RIMBP2: variants seen among roughly 807,000 people sequenced by gnomAD.
RIMBP2 encodes RIMS-binding protein 2.
Under a neutral mutation model 118.6 loss-of-function variants are expected in RIMBP2, and 48 were observed. The ratio of observed to expected loss-of-function variants is 0.40; its 90% confidence interval spans 0.32 to 0.51. The LOEUF is 0.51. Ranked by LOEUF, RIMBP2 falls within the 20% of genes least tolerant of loss-of-function variation. The pLI is 0.41. For missense variants in RIMBP2, 1,551 were observed against 1,768.3 expected, an observed-to-expected ratio of 0.88 and a Z score of 2.20; for synonymous variants, 762 against 742.9, an observed-to-expected ratio of 1.03 and a Z score of -0.42.
At chr12:130,471,284 T>G (rs1029949739) in intron 5 of RIMBP2, among the ~76,000 whole-genome samples, 8 of 152,222 alleles carry the variant, frequency 5.3e-5, no homozygotes, top group African/African-American at 1.9e-4. Flanking sequence ...CAGAAATGTC[T>G]CGGGATGGCT....
At chr12:130,407,107 A>G (rs1328464637) in intron 20 of RIMBP2, among the ~76,000 whole-genome samples, 1 of 152,186 alleles carries the variant, frequency 6.6e-6, no homozygotes, top group East Asian at 1.9e-4. Context: ...TTCACAACCA[A>G]ACACATTTTC....
In RIMBP2 at chr12:130,420,926, C is replaced by T. The variant is rs1461433545; in HGVS notation, c.3238+1527G>A. ...GGACGTCCTTTCTGAGCGCCTACAG[C>T]ATTAACTTCTCAGCGGCTACACCAT... On this transcript the variant is annotated intron_variant, in intron 17 of 22. Coordinates refer to ENST00000690449, the MANE Select transcript of RIMBP2 (RefSeq NM_001393629.1). The surrounding 1 kb of genome is among the most constrained non-coding windows in gnomAD (Gnocchi z 4.3). The T allele has an allele frequency of 1.3e-5, 2 of 152,200 alleles. No individual in the cohort carries two copies. Among genetic ancestry groups the T allele is most frequent in the African/African-American group, 2.4e-5 (1 of 41,446 alleles). 9.4% of individuals were successfully genotyped at this position (152,200 alleles called of 1,614,324 possible).
chr12:130,480,552 A>T (rs2081899482), intron 4 of RIMBP2, among the ~76,000 whole-genome samples: 1 of 152,060 alleles, frequency 6.6e-6, no homozygotes, highest in Non-Finnish European at 1.5e-5. Context: ...ATTTTTTATT[A>T]TTTTATTATT....
At chr12:130,685,558 C>A (rs7955015) in intron 1 of RIMBP2, among the ~76,000 whole-genome samples, 11,871 of 152,128 alleles carry the variant, frequency 0.078, 1,553 homozygotes, top group African/African-American at 0.27. Context: ...AGTGGCCCGG[C>A]AGCCACTGAA....
intron 1 of RIMBP2, among the ~76,000 whole-genome samples, chr12:130,640,533 TGA>T (rs2062569983): frequency 6.6e-6 from 1 of 152,230 alleles, no homozygotes; most frequent in Admixed American, 6.5e-5. Flanking sequence ...GCCAACATTT[TGA>T]GAGCTTCCTC....
At chr12:130,693,203 A>G (rs1240497745) in intron 1 of RIMBP2, among the ~76,000 whole-genome samples, 8 of 151,748 alleles carry the variant, frequency 5.3e-5, no homozygotes, top group African/African-American at 1.7e-4. Flanking sequence ...CTGTGATATG[A>G]CTCCGTGCTC....
rs1422551524 is a variant in RIMBP2, at chr12:130,424,681, C to T, written c.2590G>A (p.Ala864Thr). ...GGCCTGCCGGGCCTGGGCTCTCTGGCCAGCCCCGTCCTGGCCCTGGGGGAC... is the reference window on the plus strand; with the variant it reads ...GGCCTGCCGGGCCTGGGCTCTCTGGTCAGCCCCGTCCTGGCCCTGGGGGAC... The part of the protein sequence containing the change: ...GPSPRARTGL[A>T]REPRPGRPYR... The change falls in exon 16 of 23, where the codon GCC (alanine) becomes ACC (threonine). Residue 864 changes from alanine (A) to threonine (T), a missense_variant. Transcript: ENST00000690449. The surrounding 1 kb of genome is among the most constrained non-coding windows in gnomAD (Gnocchi z 9.8). 4.1e-6 allele frequency: 5 copies of T among 1,231,960 alleles called. No individual in the cohort carries two copies. The highest frequency in any genetic ancestry group is 6.2e-4 in the Middle Eastern group (2 of 3,230). The allele number at this position is 1,231,960 out of a possible 1,614,324, so 76.3% of individuals were successfully genotyped here. A position where few individuals can be genotyped will look rare whatever the true frequency, so the allele number is the denominator to read the frequency against.
At chr12:130,438,335 ACCCTCCCC>A in intron 12 of RIMBP2, 22 bp downstream of exon 12, 1 of 865,012 alleles carries the variant, frequency 1.2e-6, no homozygotes, top group Non-Finnish European at 1.9e-6. Flanking sequence ...GGCCTAACAA[ACCCTCCCC>A]ACCCACCCAA....
chr12:130,478,664 G>A (rs780163556), intron 5 of RIMBP2, among the ~76,000 whole-genome samples: 8 of 152,152 alleles, frequency 5.3e-5, no homozygotes, highest in African/African-American at 1.4e-4. Context: ...TGTTTTTCCC[G>A]ACAACCTCAC....
chr12:130,445,341 G>A (rs1330269667), intron 9 of RIMBP2, 72 bp from the exon 10 acceptor site: 38 of 1,021,840 alleles, frequency 3.7e-5, no homozygotes, highest in Middle Eastern at 2.5e-4. Flanking sequence ...CGTGCAGAAC[G>A]CCAGACGGGC....
intron 22 of RIMBP2, chr12:130,399,009 CTTTTTT>C: frequency 2.4e-6 from 1 of 419,378 alleles, no homozygotes; most frequent in Middle Eastern, 4.0e-4. Flanking sequence ...TTCTTTGTAT[CTTTTTT>C]TTTTTTTAAC....
intron 2 of RIMBP2, among the ~76,000 whole-genome samples, chr12:130,596,532 C>T (rs780596488): frequency 2.0e-5 from 3 of 152,170 alleles, no homozygotes; most frequent in Non-Finnish European, 2.9e-5. Context: ...CCACTCACAA[C>T]GTAGGAAAAC....
chr12:130,475,482 A>G lies in RIMBP2; in HGVS notation c.102+3430T>C, dbSNP rs11060928. ...AATAAACTCCTGCCTCACATTGCAC[A>G]TCAAGAAAAACAACATTATAGGATG... On this transcript the variant is annotated intron_variant, in intron 5 of 22. Transcript: ENST00000690449. The surrounding 1 kb of genome is among the most constrained non-coding windows in gnomAD (Gnocchi z 4.1). Among the ~76,000 whole-genome samples, 2,965 of 152,208 alleles carry G rather than the reference A, an allele frequency of 0.019. 91 individuals carry two copies. The highest frequency in any genetic ancestry group is 0.17 in the East Asian group (853 of 5,158).
chr12:130,434,830 G>T lies in RIMBP2; in HGVS notation c.2157C>A (p.Ala719=), dbSNP rs149905625. Reference sequence around the variant, plus strand: ...CATAGGCGTCCTCCTCGTCTGAGGCGGCGTACTGCCCCGCGCTGCTTCTCT... The same window carrying T: ...CATAGGCGTCCTCCTCGTCTGAGGCTGCGTACTGCCCCGCGCTGCTTCTCT... ...FLERSSAGQY[A]ASDEEDAYDS... Residue 719 remains alanine, a synonymous_variant, in exon 14 of 23, where the codon GCC becomes GCA. Coordinates refer to ENST00000690449, the MANE Select transcript of RIMBP2 (RefSeq NM_001393629.1). This position sits in a 1 kb window ranked among gnomAD's most constrained non-coding sequence, Gnocchi z 5.7. 2 of 1,613,634 alleles carry T rather than the reference G, an allele frequency of 1.2e-6. No homozygotes were observed. Among genetic ancestry groups the T allele is most frequent in the Admixed American group, 1.7e-5 (1 of 59,976 alleles).
chr12:130,597,299 A>C (rs2059618281), intron 2 of RIMBP2, among the ~76,000 whole-genome samples: 1 of 152,222 alleles, frequency 6.6e-6, no homozygotes, highest in Non-Finnish European at 1.5e-5. Context: ...GCTGGAGTGC[A>C]GTGGTGCGAT....
chr12:130,439,984 G>T (rs2077983065), intron 11 of RIMBP2, among the ~76,000 whole-genome samples: 2 of 151,084 alleles, frequency 1.3e-5, no homozygotes, highest in African/African-American at 4.9e-5. Flanking sequence ...TGTGTGTGGG[G>T]TGTGTGTGAG....
chr12:130,697,801 C>T (rs184244506), intron 1 of RIMBP2, among the ~76,000 whole-genome samples: 2 of 152,030 alleles, frequency 1.3e-5, no homozygotes, highest in African/African-American at 4.8e-5. Flanking sequence ...CAGCCTGGGC[C>T]ACAAAGCAAG....
intron 2 of RIMBP2, among the ~76,000 whole-genome samples, chr12:130,587,193 G>A (rs1309517764): frequency 2.0e-5 from 3 of 150,132 alleles, no homozygotes; most frequent in Non-Finnish European, 1.5e-5. Context: ...GTGCTGGAGA[G>A]GATGTGGAGA....
chr12:130,424,945 A>C lies in RIMBP2; in HGVS notation c.2413-87T>G. The C allele has an allele frequency of 2.2e-5, 16 of 723,600 alleles. No individual in the cohort carries two copies. Among genetic ancestry groups the C allele is most frequent in the Non-Finnish European group, 2.6e-5 (14 of 537,454 alleles). The allele number at this position is 723,600 out of a possible 1,614,324, so 44.8% of individuals were successfully genotyped here. ...GGCCAGGGGAGGAAAGAAAATACAG[A>C]CAGAATTAGTCCTGGAGGCACCGAG... On this transcript the variant is annotated intron_variant, in intron 15 of 22. Coordinates refer to ENST00000690449, the MANE Select transcript of RIMBP2 (RefSeq NM_001393629.1). The surrounding 1 kb of genome is among the most constrained non-coding windows in gnomAD (Gnocchi z 9.8).
Sources: gnomAD v4.1 joint callset for allele counts (sites outside exome capture counted in the v4.1 genomes callset) on GRCh38, gnomAD v4.1.1 for gene constraint, Gnocchi (gnomAD v3.1) non-coding constraint, MANE v1.5 for transcripts, NCBI Gene and HGNC (gene_info 2026-07-23, HGNC 2026-07-21) for gene names.